The following JPT1 variants were observed in gnomAD, a reference collection of about 807,000 sequenced individuals.
JPT1 encodes androgen-regulated protein 2.
In JPT1, 5 loss-of-function variants were observed where a neutral mutation model predicts 17.0. The ratio of observed to expected loss-of-function variants is 0.29; its 90% CI spans 0.15 to 0.62. The LOEUF is 0.62. Ranked by LOEUF, JPT1 falls within the 20% of genes least tolerant of loss-of-function variation. JPT1 has a pLI of 0.85. For missense variants in JPT1, 158 were observed against 188.1 expected, an observed-to-expected ratio of 0.84 and a Z score of 0.94; for synonymous variants, 71 against 73.6, an observed-to-expected ratio of 0.96 and a Z score of 0.18.
At chr17:75,147,442 C>A in intron 3 of JPT1, 114 bp downstream of exon 3, 1 of 716,268 alleles carries the variant, frequency 1.4e-6, no homozygotes, top group East Asian at 2.5e-5. Flanking sequence ...ATGGCCCAGT[C>A]CCTTTCCTAA....
chr17:75,150,284 G>A (rs909657045), intron 1 of JPT1, among the ~76,000 whole-genome samples: 61 of 149,268 alleles, frequency 4.1e-4, no homozygotes, highest in African/African-American at 1.4e-3. Flanking sequence ...GCACAATCTC[G>A]CTCTTGTCGC....
intron 1 of JPT1, 125 bp downstream of exon 1, chr17:75,154,216 AC>A: frequency 1.6e-6 from 1 of 637,140 alleles, no homozygotes. Context: ...GAACCCCGCC[AC>A]CCGCCCCGGC....
chr17:75,144,233 C>T (rs147071818), intron 4 of JPT1, among the ~76,000 whole-genome samples: 76 of 152,196 alleles, frequency 5.0e-4, no homozygotes, highest in African/African-American at 1.7e-3. Context: ...AAATATCCTT[C>T]GTAACAACCC....
intron 4 of JPT1, chr17:75,142,619 AGGGGAGG>A (rs2074341691): frequency 7.3e-5 from 7 of 95,846 alleles, no homozygotes; most frequent in South Asian, 1.4e-4. Flanking sequence ...GGGAGAGAGG[AGGGGAGG>A]GAGGGGAGGG....
At chr17:75,136,954 T>C (rs1290533609) in intron 4 of JPT1, among the ~76,000 whole-genome samples, 1 of 152,224 alleles carries the variant, frequency 6.6e-6, no homozygotes, top group African/African-American at 2.4e-5. Context: ...CCAGATAACA[T>C]GTAACATGTT....
In JPT1 at chr17:75,154,428, G is replaced by T; in HGVS notation, c.-31C>A. On this transcript the variant is annotated 5_prime_UTR_variant, in exon 1 of 5. Coordinates refer to ENST00000409753, the MANE Select transcript of JPT1 (RefSeq NM_016185.4). ...CGAGGAGCGAGGTAGGCTGGCGCCGGAGCAGAACGCTCAAAGGGTCGGACC... is the reference window on the plus strand; with the variant it reads ...CGAGGAGCGAGGTAGGCTGGCGCCGTAGCAGAACGCTCAAAGGGTCGGACC... 2 of 1,545,464 alleles carry T rather than the reference G, an allele frequency of 1.3e-6. No homozygotes were observed. The highest frequency in any genetic ancestry group is 1.7e-6 in the Non-Finnish European group (2 of 1,144,502).
chr17:75,146,457 T>TA, intron 4 of JPT1: 1 of 488,048 alleles, frequency 2.0e-6, no homozygotes, highest in Non-Finnish European at 3.7e-6. Context: ...CCAGCCAATA[T>TA]ATGTAATTTT....
At chr17:75,151,668 A>T (rs773463655) in intron 1 of JPT1, among the ~76,000 whole-genome samples, 2 of 151,890 alleles carry the variant, frequency 1.3e-5, no homozygotes, top group African/African-American at 2.4e-5. Context: ...TCAAAAAAAT[A>T]AATTAATTAA....
chr17:75,137,685 CTTTT>C lies in JPT1; in HGVS notation c.317-1439_317-1436del, dbSNP rs60118585. Among the ~76,000 whole-genome samples, 40 of 112,832 alleles carry C rather than the reference CTTTT, an allele frequency of 3.5e-4. No individual in the cohort carries two copies. The East Asian group carries it at 9.5e-3, about 27-fold the overall frequency. The allele number at this position is 112,832 out of a possible 152,430, so 74.0% of individuals were successfully genotyped here. A position where few individuals can be genotyped will look rare whatever the true frequency, so the allele number is the denominator to read the frequency against. ...TCACCCTTCACACAGCCTAGTTTTC[CTTTT>C]TTTTTTTTTTTTTTTTTTTTTTTGA... On this transcript the variant is annotated intron_variant, in intron 4 of 4. Coordinates refer to ENST00000409753, the MANE Select transcript of JPT1 (RefSeq NM_016185.4).
chr17:75,139,870 AGGTTT>A (rs1346292066), intron 4 of JPT1, among the ~76,000 whole-genome samples: 1 of 152,074 alleles, frequency 6.6e-6, no homozygotes, highest in Admixed American at 6.6e-5. Flanking sequence ...CAGAGGAGGG[AGGTTT>A]GTTTGTTTCC....
chr17:75,151,347 GATAATA>G (rs202245320), intron 1 of JPT1, among the ~76,000 whole-genome samples: 34 of 150,232 alleles, frequency 2.3e-4, no homozygotes, highest in Admixed American at 4.6e-4. Context: ...AAATAATAAT[GATAATA>G]ATAATAATAA....
chr17:75,147,445 T>C, intron 3 of JPT1, 111 bp downstream of exon 3: 2 of 740,798 alleles, frequency 2.7e-6, no homozygotes, highest in Non-Finnish European at 2.4e-6. Flanking sequence ...GCCCAGTCCC[T>C]TTCCTAACTA....
At chr17:75,143,191 T>C (rs1276682646) in intron 4 of JPT1, among the ~76,000 whole-genome samples, 2 of 152,220 alleles carry the variant, frequency 1.3e-5, no homozygotes, top group African/African-American at 4.8e-5. Context: ...TCCATTGGTA[T>C]GAAATCAAAC....
At chr17:75,150,847 CTTTTTTTT>C (rs59267123) in intron 1 of JPT1, among the ~76,000 whole-genome samples, 723 of 65,988 alleles carry the variant, frequency 0.011, 4 homozygotes, top group African/African-American at 0.029. Flanking sequence ...ATTTTTCTTT[CTTTTTTTT>C]TTTTTTTTTT....
At chr17:75,149,714 C>T (rs1373377023) in intron 1 of JPT1, among the ~76,000 whole-genome samples, 2 of 152,094 alleles carry the variant, frequency 1.3e-5, no homozygotes, top group Non-Finnish European at 2.9e-5. Context: ...TTATTTTCAA[C>T]TAGATAAATA....
At chr17:75,147,430 A>G (rs1265818914) in intron 3 of JPT1, 126 bp downstream of exon 3, 3 of 647,168 alleles carry the variant, frequency 4.6e-6, no homozygotes, top group African/African-American at 3.6e-5. Context: ...TCCATTATCA[A>G]TATGGCCCAG....
At chr17:75,136,812 TAAG>T (rs1444405660) in intron 4 of JPT1, among the ~76,000 whole-genome samples, 1 of 152,120 alleles carries the variant, frequency 6.6e-6, no homozygotes, top group Non-Finnish European at 1.5e-5. Flanking sequence ...GATTTTTAAA[TAAG>T]AACAGGGAAC....
chr17:75,136,579 C>T (rs1226794056), intron 4 of JPT1, among the ~76,000 whole-genome samples: 3 of 152,134 alleles, frequency 2.0e-5, no homozygotes, highest in Non-Finnish European at 4.4e-5. Context: ...GCAACCTCCA[C>T]TTCCCAGGTT....
chr17:75,139,401 T>C (rs1158181023), intron 4 of JPT1, among the ~76,000 whole-genome samples: 1 of 152,220 alleles, frequency 6.6e-6, no homozygotes, highest in Admixed American at 6.5e-5. Context: ...ACTAATCTTA[T>C]ATTTGTCTTA....
Sources: allele counts gnomAD v4.1 joint callset (sites outside exome capture counted in the v4.1 genomes callset), GRCh38; gene constraint gnomAD v4.1.1; transcripts MANE v1.5; gene names NCBI Gene and HGNC (gene_info 2026-07-23, HGNC 2026-07-21).